The following ANO1 variants were observed in gnomAD, a reference collection of about 807,000 sequenced individuals.
ANO1 encodes anoctamin 1, also known as anoctamin-1.
In ANO1, 59 loss-of-function variants were observed where a neutral mutation model predicts 124.0. The observed-to-expected ratio is 0.48, with a 90% CI of 0.39 to 0.59. The LOEUF (loss-of-function observed/expected upper bound fraction) is 0.59, where lower values mean the gene tolerates loss of function less well. ANO1 is among the 20% of genes least tolerant of loss of function. ANO1 has a pLI of 0.00. For missense variants in ANO1, 1,059 were observed against 1,328.0 expected (o/e 0.80, Z 3.15); for synonymous variants, 529 against 532.0 (o/e 0.99, Z 0.08).
rs901508076 is a variant in ANO1, at chr11:70,089,377, A to G, written c.441+1293A>G. ...TGTCCTCGGAGTATTTAGACCAAAA[A>G]GCAGGTTAATTAGGGAACCTGGAGT... On this transcript the variant is annotated intron_variant, in intron 2 of 25. Coordinates refer to ENST00000355303, the MANE Select transcript of ANO1 (RefSeq NM_018043.7). Among the ~76,000 whole-genome samples, 36 of 152,202 alleles carry G rather than the reference A, an allele frequency of 2.4e-4. 2 individuals are homozygous for G. Among genetic ancestry groups the G allele is most frequent in the Admixed American group, 2.4e-3 (36 of 15,280 alleles).
rs555156926 is a variant in ANO1, at chr11:70,108,259, G to A, written c.748-94G>A. On this transcript the variant is annotated intron_variant, in intron 5 of 25. Transcript: ENST00000355303. ...CACCAAGGAGGTCTTCATGCGTAAC[G>A]TGTGACCAGGTCCTCTCCAGCCACA... The A allele has an allele frequency of 7.1e-5, 91 of 1,276,260 alleles. No homozygotes were observed. In the East Asian group the frequency reaches 1.3e-3, roughly 19 times the overall value. The allele number at this position is 1,276,260 out of a possible 1,614,324, so 79.1% of individuals were successfully genotyped here. A position where few individuals can be genotyped will look rare whatever the true frequency, so the allele number is the denominator to read the frequency against.
At chr11:70,069,006 G>A (rs1857801253) in intron 1 of ANO1, among the ~76,000 whole-genome samples, 1 of 152,218 alleles carries the variant, frequency 6.6e-6, no homozygotes, top group African/African-American at 2.4e-5. Context: ...CAAAGGCTGG[G>A]CTTCATGCCT....
At chr11:70,077,420 A>G (rs1052818608), upstream of ANO1, among the ~76,000 whole-genome samples, 30 of 152,172 alleles carry the variant, frequency 2.0e-4, no homozygotes, top group Admixed American at 2.0e-3. Context: ...CTTTATTTCC[A>G]CTGGATGTGG....
intron 1 of ANO1, among the ~76,000 whole-genome samples, chr11:70,030,330 TCTC>T (rs1856979525): frequency 2.6e-5 from 4 of 152,226 alleles, no homozygotes; most frequent in Admixed American, 1.3e-4. Context: ...GGTTCTCCCT[TCTC>T]AGCCCATAAA....
intron 10 of ANO1, among the ~76,000 whole-genome samples, chr11:70,130,971 G>A (rs1006294099): frequency 4.6e-5 from 7 of 152,250 alleles, no homozygotes; most frequent in Admixed American, 3.9e-4. Flanking sequence ...TGTGTGAACC[G>A]CTCATAGACG....
chr11:70,059,348 CAAAAAAAAA>C (rs1192273449), intron 1 of ANO1, among the ~76,000 whole-genome samples: 7 of 75,106 alleles, frequency 9.3e-5, no homozygotes, highest in Non-Finnish European at 1.2e-4. Context: ...GAGACACTGT[CAAAAAAAAA>C]AAAAAAAAAA....
At chr11:70,156,384 T>C (rs1306800790) in intron 15 of ANO1, among the ~76,000 whole-genome samples, 2 of 152,128 alleles carry the variant, frequency 1.3e-5, no homozygotes, top group African/African-American at 4.8e-5. Context: ...ATTTGAAACA[T>C]CCCGGATTAG....
At chr11:70,183,976 G>A (rs2049018494) in intron 24 of ANO1, among the ~76,000 whole-genome samples, 2 of 152,222 alleles carry the variant, frequency 1.3e-5, no homozygotes, top group South Asian at 2.1e-4. Flanking sequence ...GGGACACACA[G>A]CAAGGTGGTA....
intron 1 of ANO1, among the ~76,000 whole-genome samples, chr11:70,056,999 A>G (rs781980497): frequency 6.6e-6 from 1 of 151,424 alleles, no homozygotes; most frequent in Non-Finnish European, 1.5e-5. Context: ...CTCATTCTCA[A>G]GTGAAATTGT....
At chr11:70,130,762 C>A (rs1312736290) in intron 10 of ANO1, among the ~76,000 whole-genome samples, 1 of 152,228 alleles carries the variant, frequency 6.6e-6, no homozygotes, top group Non-Finnish European at 1.5e-5. Context: ...GACCCATCAT[C>A]CCTGGCAGGC....
At chr11:70,120,650 G>A (rs2046223517) in intron 8 of ANO1, among the ~76,000 whole-genome samples, 1 of 152,220 alleles carries the variant, frequency 6.6e-6, no homozygotes, top group Admixed American at 6.5e-5. Flanking sequence ...AGAAGGACCA[G>A]ACAAACCTGG....
intron 1 of ANO1, among the ~76,000 whole-genome samples, chr11:70,061,426 C>T (rs1398234188): frequency 6.6e-6 from 1 of 151,746 alleles, no homozygotes; most frequent in Non-Finnish European, 1.5e-5. Flanking sequence ...GCCAGAACTC[C>T]AATTTTTGCC....
Position 70,188,155 on chromosome 11 carries a change from T to C in ANO1, c.*151T>C. ...CCACTTTCTGATAGGACATTTTCCT[T>C]TCTTCTTTCTGTTTTCTTTCCCTTG... On this transcript the variant is annotated 3_prime_UTR_variant, in exon 26 of 26. Transcript: ENST00000355303. The C allele has an allele frequency of 1.1e-6, 1 of 906,036 alleles. No individual in the cohort carries two copies. The highest frequency in any genetic ancestry group is 1.6e-6 in the Non-Finnish European group (1 of 617,876). 56.1% of individuals were successfully genotyped at this position (906,036 alleles called of 1,614,324 possible).
At chr11:70,101,420 G>T (rs1455865927) in intron 2 of ANO1, among the ~76,000 whole-genome samples, 1 of 151,872 alleles carries the variant, frequency 6.6e-6, no homozygotes, top group Non-Finnish European at 1.5e-5. Context: ...GCTAGGCGTG[G>T]TGGTGCATGC....
the ANO1 span, among the ~76,000 whole-genome samples, chr11:69,972,417 A>G: frequency 0.65 from 98,372 of 151,722 alleles, 32,722 homozygotes; most frequent in East Asian, 0.8. Flanking sequence ...AGCCGGCATC[A>G]ACTCAATGAT....
intron 11 of ANO1, among the ~76,000 whole-genome samples, chr11:70,137,258 C>T (rs1350083204): frequency 6.8e-6 from 1 of 146,562 alleles, no homozygotes; most frequent in East Asian, 2.0e-4. Flanking sequence ...CCCCATTTCA[C>T]AGAGGAGGAA....
At chr11:70,143,608 C>T (rs1045179233) in intron 11 of ANO1, among the ~76,000 whole-genome samples, 4 of 152,114 alleles carry the variant, frequency 2.6e-5, no homozygotes, top group Non-Finnish European at 2.9e-5. Flanking sequence ...GGTCAGAGAT[C>T]TGCATTTTAA....
chr11:70,170,229 C>A, intron 21 of ANO1: 1 of 451,650 alleles, frequency 2.2e-6, no homozygotes, highest in Non-Finnish European at 4.4e-6. Context: ...TGCCACGTCC[C>A]TTCCCAGCAT....
At chr11:70,165,437 T>A in intron 19 of ANO1, 33 bp from the exon 20 acceptor site, 4 of 1,564,328 alleles carry the variant, frequency 2.6e-6, no homozygotes, top group Non-Finnish European at 3.5e-6. Flanking sequence ...TCGGTGTCCC[T>A]GTAGCGTGGC....
Sources: gnomAD v4.1 joint callset for allele counts (sites outside exome capture counted in the v4.1 genomes callset) on GRCh38, gnomAD v4.1.1 for gene constraint, MANE v1.5 for transcripts, NCBI Gene and HGNC (gene_info 2026-07-23, HGNC 2026-07-21) for gene names.